The following FGFR1OP2 variants were observed in gnomAD, a reference collection of about 807,000 sequenced individuals.
FGFR1OP2 encodes the protein fibroblast growth factor receptor 1 oncogene partner 2.
A neutral mutation model predicts 35.2 loss-of-function variants in FGFR1OP2; 17 were observed. That is an observed-to-expected ratio of 0.48 (90% CI 0.33 to 0.73). The LOEUF is 0.73. Among genes scored for constraint, FGFR1OP2 ranks in the 30% least tolerant of loss-of-function variants. The pLI is 0.02. For synonymous variants in FGFR1OP2, 105 were observed against 104.6 expected (o/e 1.00, Z -0.03); for missense variants, 251 against 307.3 (o/e 0.82, Z 1.37).
intron 1 of FGFR1OP2, among the ~76,000 whole-genome samples, chr12:26,948,448 C>T (rs1938864019): frequency 6.6e-6 from 1 of 152,184 alleles, no homozygotes; most frequent in African/African-American, 2.4e-5. Context: ...TCTGTTCTTT[C>T]AGCATTTTGA....
chr12:26,954,247 T>G lies in FGFR1OP2; in HGVS notation c.89T>G (p.Ile30Ser). Reference sequence around the variant, plus strand: ...CATGACGATGCAGCAGAATCTCTGATTGAGCAAACCACAGCTCTCAACAAG... The same window carrying G: ...CATGACGATGCAGCAGAATCTCTGAGTGAGCAAACCACAGCTCTCAACAAG... ...RDHDDAAESL[I>S]EQTTALNKRV... Residue 30 changes from isoleucine to serine, a missense_variant, in exon 2 of 7, where the codon ATT becomes AGT. Ile to Ser is a moderately radical substitution (Grantham distance 142). Transcript: ENST00000229395. The G allele has an allele frequency of 1.2e-6, 2 of 1,612,440 alleles. No individual in the cohort carries two copies.
chr12:26,941,397 G>C (rs1248752894), intron 1 of FGFR1OP2, among the ~76,000 whole-genome samples: 2 of 152,150 alleles, frequency 1.3e-5, no homozygotes, highest in African/African-American at 4.8e-5. Flanking sequence ...TTAAACTTTT[G>C]TGTGTGTGGT....
At chr12:26,939,753 A>G (rs1003609860) in intron 1 of FGFR1OP2, among the ~76,000 whole-genome samples, 1 of 152,206 alleles carries the variant, frequency 6.6e-6, no homozygotes, top group Non-Finnish European at 1.5e-5. Flanking sequence ...TCTGTCTGGA[A>G]TCATGTCTTA....
At chr12:26,964,063 CA>C (rs371438257) in intron 6 of FGFR1OP2, among the ~76,000 whole-genome samples, 1 of 151,872 alleles carries the variant, frequency 6.6e-6, no homozygotes, top group African/African-American at 2.4e-5. Context: ...AGTAACTAAC[CA>C]AAAGGAGGCC....
At chr12:26,938,997 C>T (rs185899678) in intron 1 of FGFR1OP2, among the ~76,000 whole-genome samples, 22 of 152,346 alleles carry the variant, frequency 1.4e-4, no homozygotes, top group Non-Finnish European at 2.8e-4. Flanking sequence ...CCTGCCTTAC[C>T]CACCTGCGAG....
At chr12:26,950,157 A>G (rs967823151) in intron 1 of FGFR1OP2, among the ~76,000 whole-genome samples, 3 of 146,520 alleles carry the variant, frequency 2.0e-5, no homozygotes, top group African/African-American at 5.1e-5. Context: ...TACCTTTATG[A>G]TAGCAGTTAT....
rs1324963366 is a variant in FGFR1OP2 at position 26,954,257 on chromosome 12, C to G, written c.99C>G (p.Thr33=). ...DDAAESLIEQ[T]TALNKRVEAM... ...CAGCAGAATCTCTGATTGAGCAAAC[C>G]ACAGCTCTCAACAAGCGAGTAGAAG... Residue 33 remains threonine, a synonymous_variant, in exon 2 of 7, where the codon ACC becomes ACG. Transcript: ENST00000229395. The G allele has an allele frequency of 6.2e-7, 1 of 1,610,238 alleles. No individual in the cohort carries two copies. Among genetic ancestry groups the G allele is most frequent in the African/African-American group, 1.3e-5 (1 of 74,808 alleles).
At chr12:26,951,331 A>T (rs1348639264) in intron 1 of FGFR1OP2, among the ~76,000 whole-genome samples, 1 of 151,080 alleles carries the variant, frequency 6.6e-6, no homozygotes, top group Admixed American at 6.6e-5. Context: ...GTATTTATTT[A>T]TTTAGTTAGT....
intron 1 of FGFR1OP2, among the ~76,000 whole-genome samples, chr12:26,950,194 A>G (rs978833543): frequency 7.5e-6 from 1 of 133,236 alleles, no homozygotes; most frequent in Non-Finnish European, 1.6e-5. Context: ...CAAGCCATCA[A>G]GTAGTTAATG....
At chr12:26,947,251 A>G (rs1457918474) in intron 1 of FGFR1OP2, among the ~76,000 whole-genome samples, 2 of 152,126 alleles carry the variant, frequency 1.3e-5, no homozygotes, top group Admixed American at 6.5e-5. Context: ...CCTAGCCAAC[A>G]CTTACTATCT....
chr12:26,961,954 GAC>G (rs1421561761), intron 5 of FGFR1OP2: 2 of 152,166 alleles, frequency 1.3e-5, no homozygotes, highest in African/African-American at 4.8e-5. Flanking sequence ...TGCAGAATAT[GAC>G]AGATACTTGT....
rs1425686292 is a variant in FGFR1OP2, at chr12:26,964,635, C to T, written c.664C>T (p.Arg222Ter). 1.9e-6 allele frequency: 3 copies of T among 1,612,974 alleles called. No individual in the cohort carries two copies. Among genetic ancestry groups the T allele is most frequent in the Admixed American group, 1.7e-5 (1 of 59,988 alleles). Residue 222 changes from arginine to a stop codon, truncating the protein, a stop_gained, in exon 7 of 7, where the codon CGA becomes TGA. Coordinates refer to ENST00000229395, the MANE Select transcript of FGFR1OP2 (RefSeq NM_015633.3). LOFTEE classifies it high-confidence loss of function. Reference sequence around the variant, plus strand: ...CTTGAGAGAGATCCTTCAAATAACTCGAGAATCATTTTTGAACCTAAGGAA... The same window carrying T: ...CTTGAGAGAGATCCTTCAAATAACTTGAGAATCATTTTTGAACCTAAGGAA... ...KGLREILQITRESFLNLRKDD... is the reference protein window; with the variant it reads ...KGLREILQIT
intron 4 of FGFR1OP2, among the ~76,000 whole-genome samples, chr12:26,958,697 A>G (rs1321050012): frequency 6.6e-6 from 1 of 152,176 alleles, no homozygotes; most frequent in Admixed American, 6.5e-5. Context: ...TCCCTTTGTC[A>G]TCCCTGTGTC....
chr12:26,948,776 G>A (rs1302167668), intron 1 of FGFR1OP2, among the ~76,000 whole-genome samples: 2 of 152,178 alleles, frequency 1.3e-5, no homozygotes, highest in Non-Finnish European at 2.9e-5. Context: ...AAGTTAGAAT[G>A]CGCTTGGGAG....
chr12:26,954,748 A>T (rs576195542), intron 2 of FGFR1OP2, among the ~76,000 whole-genome samples: 25 of 152,342 alleles, frequency 1.6e-4, no homozygotes, highest in African/African-American at 6.0e-4. Context: ...TATTGTACCC[A>T]TACTTGCTAC....
chr12:26,957,711 A>G lies in FGFR1OP2; in HGVS notation c.364A>G (p.Ile122Val), dbSNP rs745673091. ...LMASKKDDPG[I>V]IMKLKEQHSK... ...GGCTAGCAAAAAAGATGATCCGGGTATAATAATGAAGTTAAAAGAGCAGCA... is the reference window on the plus strand; with the variant it reads ...GGCTAGCAAAAAAGATGATCCGGGTGTAATAATGAAGTTAAAAGAGCAGCA... Residue 122 changes from isoleucine (I) to valine (V), a missense_variant, in exon 4 of 7, where the codon ATA (isoleucine) becomes GTA (valine). Ile to Val is a conservative substitution (Grantham distance 29). Coordinates refer to ENST00000229395, the MANE Select transcript of FGFR1OP2 (RefSeq NM_015633.3). The G allele has an allele frequency of 1.2e-6, 2 of 1,613,754 alleles. No homozygotes were observed. The highest frequency in any genetic ancestry group is 1.1e-5 in the South Asian group (1 of 91,070).
chr12:26,963,263 T>C (rs1302171107), intron 5 of FGFR1OP2, 79 bp from the exon 6 acceptor site: 1 of 817,410 alleles, frequency 1.2e-6, no homozygotes, highest in Admixed American at 2.3e-5. Flanking sequence ...TAAGTGGTAC[T>C]GCAGATTTTA....
Position 26,964,847 on chromosome 12 carries a change from C to A in FGFR1OP2, c.*114C>A. 1 of 1,136,920 alleles carries A rather than the reference C, an allele frequency of 8.8e-7. No individual in the cohort carries two copies. The highest frequency in any genetic ancestry group is 1.2e-6 in the Non-Finnish European group (1 of 806,542). 70.4% of individuals were successfully genotyped at this position (1,136,920 alleles called of 1,614,324 possible). A position where few individuals can be genotyped will look rare whatever the true frequency, so the allele number is the denominator to read the frequency against. ...TTTTTCTCTGTAAATATGTACAGTG[C>A]ACGGGCTATGAGATAGCAACAAAAA... On this transcript the variant is annotated 3_prime_UTR_variant, in exon 7 of 7. Coordinates refer to ENST00000229395, the MANE Select transcript of FGFR1OP2 (RefSeq NM_015633.3).
intron 2 of FGFR1OP2, among the ~76,000 whole-genome samples, chr12:26,954,875 CCTT>C (rs1405095634): frequency 6.6e-6 from 1 of 152,050 alleles, no homozygotes; most frequent in East Asian, 1.9e-4. Context: ...ACTATTTTAA[CCTT>C]CTTCTGATAA....
Sources: gnomAD v4.1 joint callset for allele counts (sites outside exome capture counted in the v4.1 genomes callset) on GRCh38, gnomAD v4.1.1 for gene constraint, MANE v1.5 for transcripts, NCBI Gene and HGNC (gene_info 2026-07-23, HGNC 2026-07-21) for gene names.